TNRC6B: variants seen among roughly 807,000 people sequenced by gnomAD.
TNRC6B encodes the protein trinucleotide repeat containing adaptor 6B.
In TNRC6B, 52 loss-of-function variants were observed where a neutral mutation model predicts 203.6. The observed-to-expected ratio is 0.26, with a 90% CI of 0.20 to 0.32. The LOEUF (loss-of-function observed/expected upper bound fraction) is 0.32. Among genes scored for constraint, TNRC6B ranks in the 10% least tolerant of loss-of-function variants. TNRC6B has a pLI of 1.00. For synonymous variants in TNRC6B, 838 were observed against 845.7 expected, an observed-to-expected ratio of 0.99 and a Z score of 0.16; for missense variants, 1,923 against 2,286.2, an observed-to-expected ratio of 0.84 and a Z score of 3.24.
chr22:40,296,627 C>T (rs1177897127), intron 12 of TNRC6B, among the ~76,000 whole-genome samples: 25 of 146,500 alleles, frequency 1.7e-4, no homozygotes, highest in East Asian at 3.9e-4. Flanking sequence ...CCACCGCGCC[C>T]GGCCTTTTTT....
intron 1 of TNRC6B, among the ~76,000 whole-genome samples, chr22:40,224,346 T>A (rs963025873): frequency 6.6e-6 from 1 of 152,230 alleles, no homozygotes; most frequent in African/African-American, 2.4e-5. Flanking sequence ...TTATAGAGAA[T>A]GCAGTTGATC....
At chr22:40,256,735 T>C (rs905694506) in intron 3 of TNRC6B, among the ~76,000 whole-genome samples, 16 of 152,164 alleles carry the variant, frequency 1.1e-4, no homozygotes, top group Admixed American at 6.5e-5. Context: ...GAAAGTTTGC[T>C]GATCCCCCCT....
chr22:40,244,499 A>G (rs2070076892), intron 1 of TNRC6B, among the ~76,000 whole-genome samples: 1 of 151,524 alleles, frequency 6.6e-6, no homozygotes, highest in African/African-American at 2.4e-5. Flanking sequence ...GACATTATGT[A>G]TTCACGAGAG....
intron 12 of TNRC6B, 132 bp from the exon 13 acceptor site, chr22:40,300,323 T>C (rs932425740): frequency 4.7e-5 from 37 of 780,928 alleles, no homozygotes; most frequent in African/African-American, 4.1e-4. Context: ...TTTCCTGTTA[T>C]ATATTTTTCA....
At chr22:40,045,564 C>T (rs1368090303) in intron 1 of TNRC6B, 2 of 152,238 alleles carry the variant, frequency 1.3e-5, no homozygotes, top group Non-Finnish European at 2.9e-5. Flanking sequence ...GCGTCCCGGC[C>T]TGTGTGCAGG....
In TNRC6B at chr22:40,083,121, A is replaced by G. The variant is rs141876121; in HGVS notation, c.-120-33934A>G. Among the ~76,000 whole-genome samples, 1,474 of 152,304 alleles carry G rather than the reference A, an allele frequency of 9.7e-3. 10 individuals carry two copies. Among genetic ancestry groups the G allele is most frequent in the Non-Finnish European group, 0.016 (1,073 of 68,026 alleles). On this transcript the variant is annotated intron_variant, in intron 1 of 23. Coordinates refer to the TNRC6B transcript ENST00000301923. ...AAGGGGGTTTGATATTAAGTTCTGA[A>G]TTACTATTAGCATTTAAGGATAGAA...
rs1488749652 is a variant in TNRC6B at position 40,265,932 on chromosome 22, G to A, written c.1702G>A (p.Glu568Lys). The A allele has an allele frequency of 6.2e-7, 1 of 1,614,036 alleles. No individual in the cohort carries two copies. The highest frequency in any genetic ancestry group is 8.5e-7 in the Non-Finnish European group (1 of 1,179,902). ...WGRSSSSTGS[E>K]VGGQSTGSNH... ...AAGATCTTCCAGCTCCACAGGAAGT[G>A]AAGTTGGAGGTCAAAGCACTGGAAG... The change falls in exon 5 of 23, where the codon GAA (glutamate) becomes AAA (lysine). Residue 568 changes from glutamate to lysine, a missense_variant. Coordinates refer to ENST00000454349, the MANE Select transcript of TNRC6B (RefSeq NM_001162501.2).
chr22:40,114,111 A>G (rs1462613808), intron 1 of TNRC6B, among the ~76,000 whole-genome samples: 2 of 152,166 alleles, frequency 1.3e-5, no homozygotes, highest in Non-Finnish European at 2.9e-5. Context: ...TAAAATGAGA[A>G]TTTAAATGTA....
intron 2 of TNRC6B, among the ~76,000 whole-genome samples, chr22:40,121,221 TCCTC>T (rs56693127): frequency 0.057 from 8,605 of 151,810 alleles, 772 homozygotes; most frequent in African/African-American, 0.19. Flanking sequence ...CTCCTTTCCC[TCCTC>T]CCTCCCTCCC....
At chr22:40,116,340 G>A (rs958772152) in intron 1 of TNRC6B, among the ~76,000 whole-genome samples, 4 of 152,098 alleles carry the variant, frequency 2.6e-5, no homozygotes, top group Non-Finnish European at 4.4e-5. Context: ...TTCCTTCTGC[G>A]TTTGTTTGTT....
chr22:40,055,764 G>A (rs963184011), intron 1 of TNRC6B, among the ~76,000 whole-genome samples: 5 of 152,166 alleles, frequency 3.3e-5, no homozygotes, highest in Admixed American at 2.0e-4. Flanking sequence ...TGTAAAGGAA[G>A]TGACTTCTAG....
At chr22:40,315,601 G>C in intron 20 of TNRC6B, 94 bp downstream of exon 20, 1 of 1,358,198 alleles carries the variant, frequency 7.4e-7, no homozygotes, top group Non-Finnish European at 1.0e-6. Context: ...CTTCCCAAGA[G>C]AGGAAGTCAT....
intron 1 of TNRC6B, among the ~76,000 whole-genome samples, chr22:40,063,345 T>G (rs969293577): frequency 9.2e-5 from 14 of 152,216 alleles, no homozygotes; most frequent in Non-Finnish European, 2.1e-4. Context: ...GTTTTGAGAT[T>G]AGGGAGTTTG....
intron 21 of TNRC6B, among the ~76,000 whole-genome samples, chr22:40,316,823 T>C (rs989659760): frequency 7.9e-5 from 12 of 152,076 alleles, no homozygotes; most frequent in African/African-American, 2.9e-4. Flanking sequence ...ACACATACAG[T>C]TTACAAAAGT....
At chr22:40,308,762 A>G (rs1041996041) in intron 16 of TNRC6B, 113 bp downstream of exon 16, 15 of 1,265,734 alleles carry the variant, frequency 1.2e-5, no homozygotes, top group Middle Eastern at 2.7e-4. Context: ...TGTGAATCCT[A>G]TGATTGCCTG....
chr22:40,165,476 A>G (rs2146362235), intron 4 of TNRC6B, among the ~76,000 whole-genome samples: 1 of 152,290 alleles, frequency 6.6e-6, no homozygotes, highest in East Asian at 1.9e-4. Context: ...ATGCCCAGTC[A>G]TCAACTTTAG....
intron 1 of TNRC6B, among the ~76,000 whole-genome samples, chr22:40,240,334 C>T (rs1291161203): frequency 6.6e-6 from 1 of 152,162 alleles, no homozygotes; most frequent in African/African-American, 2.4e-5. Context: ...ACAGTACCTC[C>T]CACACATTCG....
chr22:40,147,819 C>T (rs1239000177), intron 3 of TNRC6B, among the ~76,000 whole-genome samples: 2 of 152,098 alleles, frequency 1.3e-5, no homozygotes, highest in Non-Finnish European at 2.9e-5. Context: ...TCAAAAGAGG[C>T]AAATCTGTAG....
At chr22:40,104,032 C>T (rs536085582) in intron 1 of TNRC6B, among the ~76,000 whole-genome samples, 2 of 150,298 alleles carry the variant, frequency 1.3e-5, no homozygotes, top group Non-Finnish European at 3.0e-5. Flanking sequence ...GCAGGTGGAT[C>T]ACAAGGTCAG....
Sources: gnomAD v4.1 joint callset for allele counts (sites outside exome capture counted in the v4.1 genomes callset) on GRCh38, gnomAD v4.1.1 for gene constraint, MANE v1.5 for transcripts, NCBI Gene and HGNC (gene_info 2026-07-23, HGNC 2026-07-21) for gene names.